PLOD2: variants seen among roughly 807,000 people sequenced by gnomAD.
PLOD2 encodes the protein lysine hydroxylase 2.
In PLOD2, 65 loss-of-function variants were observed where a neutral mutation model predicts 101.0. The ratio of observed to expected loss-of-function variants is 0.64; its 90% CI spans 0.53 to 0.79. The LOEUF (loss-of-function observed/expected upper bound fraction) is 0.79. PLOD2 is among the 30% of genes least tolerant of loss of function. PLOD2 has a pLI of 0.00. For synonymous variants in PLOD2, 314 were observed against 302.9 expected, an observed-to-expected ratio of 1.04 and a Z score of -0.38; for missense variants, 909 against 914.6, an observed-to-expected ratio of 0.99 and a Z score of 0.08.
At chr3:146,115,732 C>A (rs1174693370) in intron 3 of PLOD2, among the ~76,000 whole-genome samples, 1 of 152,132 alleles carries the variant, frequency 6.6e-6, no homozygotes, top group Non-Finnish European at 1.5e-5. Flanking sequence ...ATCAATGGTT[C>A]TCAACTATGG....
At chr3:146,093,485 CA>C (rs1937047152) in intron 7 of PLOD2, among the ~76,000 whole-genome samples, 1 of 151,958 alleles carries the variant, frequency 6.6e-6, no homozygotes, top group Non-Finnish European at 1.5e-5. Flanking sequence ...TGTCAAATGA[CA>C]AAGGCAAACA....
chr3:146,152,280 C>T (rs1248714740), intron 1 of PLOD2, among the ~76,000 whole-genome samples: 1 of 151,974 alleles, frequency 6.6e-6, no homozygotes, highest in Non-Finnish European at 1.5e-5. Flanking sequence ...ATTACCTGGC[C>T]GTGGTGGCAC....
intron 8 of PLOD2, 141 bp downstream of exon 8, chr3:146,091,659 A>G (rs1054492831): frequency 3.2e-6 from 2 of 622,542 alleles, no homozygotes; most frequent in African/African-American, 1.8e-5. Context: ...TGGCTGAATC[A>G]TCATGTTTTA....
intron 1 of PLOD2, among the ~76,000 whole-genome samples, chr3:146,139,999 A>T (rs1374126186): frequency 6.6e-6 from 1 of 152,094 alleles, no homozygotes; most frequent in East Asian, 1.9e-4. Flanking sequence ...CTCCACAAAA[A>T]CATAGCAAGG....
chr3:146,126,655 A>G (rs1002671326), intron 1 of PLOD2, among the ~76,000 whole-genome samples: 23 of 152,192 alleles, frequency 1.5e-4, no homozygotes, highest in African/African-American at 5.3e-4. Flanking sequence ...GAATATTAAC[A>G]TAAGAGACAT....
chr3:146,158,234 G>T (rs2032396735), intron 1 of PLOD2, among the ~76,000 whole-genome samples: 1 of 152,040 alleles, frequency 6.6e-6, no homozygotes, highest in Non-Finnish European at 1.5e-5. Context: ...GATTAAGAAG[G>T]TTCTGCCTCT....
chr3:146,138,788 A>G (rs984447005), intron 1 of PLOD2, among the ~76,000 whole-genome samples: 1 of 152,212 alleles, frequency 6.6e-6, no homozygotes, highest in Admixed American at 6.5e-5. Flanking sequence ...AGCTACTAAA[A>G]TAACAGTAAT....
At chr3:146,073,148 A>G (rs1040188861) in intron 16 of PLOD2, 139 bp downstream of exon 16, 2 of 527,154 alleles carry the variant, frequency 3.8e-6, no homozygotes, top group Non-Finnish European at 7.0e-6. Context: ...AATGCTATTT[A>G]ATCAGTAATT....
At chr3:146,150,553 C>G (rs2032007618) in intron 1 of PLOD2, among the ~76,000 whole-genome samples, 2 of 152,074 alleles carry the variant, frequency 1.3e-5, no homozygotes, top group South Asian at 4.1e-4. Context: ...AAGAAAGGAA[C>G]AACAGATACT....
intron 7 of PLOD2, among the ~76,000 whole-genome samples, chr3:146,095,444 C>A (rs372384367): frequency 2.7e-5 from 4 of 150,694 alleles, no homozygotes; most frequent in East Asian, 1.9e-4. Flanking sequence ...ATGTGGCCAA[C>A]AAACATGAAA....
At position 146,086,890 on chromosome 3, in the gene PLOD2, C is replaced by A. The variant is rs1455041196; in HGVS notation, c.1024G>T (p.Asp342Tyr). 1.3e-6 allele frequency: 2 copies of A among 1,506,702 alleles called. No individual in the cohort carries two copies. Among genetic ancestry groups the A allele is most frequent in the Admixed American group, 3.5e-5 (2 of 56,422 alleles). The allele number at this position is 1,506,702 out of a possible 1,614,324, so 93.3% of individuals were successfully genotyped here. A position where few individuals can be genotyped will look rare whatever the true frequency, so the allele number is the denominator to read the frequency against. ...GCTTTATCAAAAAATACCTTGATGT[C>A]CTTTTCATGATAAACTTCCTGTAAC... ...IHNKEVYHEKDIKVFFDKAKH... is the reference protein window; with the variant it reads ...IHNKEVYHEKYIKVFFDKAKH... Residue 342 changes from aspartate (D) to tyrosine (Y), a missense_variant, in exon 10 of 20, where the codon GAC becomes TAC. Asp to Tyr is a radical substitution (Grantham distance 160). Coordinates refer to ENST00000282903, the MANE Select transcript of PLOD2 (RefSeq NM_182943.3).
intron 8 of PLOD2, among the ~76,000 whole-genome samples, chr3:146,089,397 G>A (rs1259517862): frequency 6.6e-6 from 1 of 151,468 alleles, no homozygotes; most frequent in African/African-American, 2.4e-5. Flanking sequence ...TTGGCAAAAG[G>A]AATGAAAGTT....
intron 11 of PLOD2, among the ~76,000 whole-genome samples, chr3:146,083,593 T>G (rs866926719): frequency 0.01 from 1,522 of 148,512 alleles, 43 homozygotes; most frequent in African/African-American, 0.035. Flanking sequence ...TTTTTTTTTT[T>G]TTTTTTGAGA....
chr3:146,120,331 T>A (rs2030014708), intron 3 of PLOD2, among the ~76,000 whole-genome samples: 1 of 152,202 alleles, frequency 6.6e-6, no homozygotes, highest in Non-Finnish European at 1.5e-5. Context: ...TCATTGTAGA[T>A]TCTGGATATT....
At position 146,091,835 on chromosome 3, in the gene PLOD2, A is replaced by G. The variant is rs138948307; in HGVS notation, c.844T>C (p.Cys282Arg). The change falls in exon 8 of 20, where the codon TGT (cysteine) becomes CGT (arginine). Residue 282 changes from cysteine (C) to arginine (R), a missense_variant. Physicochemically the swap from Cys to Arg is radical, Grantham distance 180 (BLOSUM62 -3). Transcript: ENST00000282903. ...SWTQDNGCTL[C>R]EFDTVDLSAV... ...GACAAGTCGACTGTATCGAATTCAC[A>G]AAGAGTGCAGCCATTATCCTGTGTC... is the stretch of plus-strand genomic sequence containing the variant. 1.2e-4 allele frequency: 185 copies of G among 1,607,094 alleles called. No homozygotes were observed. The African/African-American group carries it at 1.9e-3, about 17-fold the overall frequency.
Position 146,132,573 on chromosome 3 carries a change from C to T in PLOD2, c.110-8344G>A, listed in dbSNP as rs1327194457. Among the ~76,000 whole-genome samples the T allele has an allele frequency of 3.3e-5, 5 of 151,878 alleles. No individual in the cohort carries two copies. The South Asian group carries it at 1.0e-3, about 32-fold the overall frequency. ...ATTCTTTTCAAATAAAAATTTTATACATGCCAACATTAAGAACTTTTTTTT... is the reference window on the plus strand; with the variant it reads ...ATTCTTTTCAAATAAAAATTTTATATATGCCAACATTAAGAACTTTTTTTT... On this transcript the variant is annotated intron_variant, in intron 1 of 19. Coordinates refer to ENST00000282903, the MANE Select transcript of PLOD2 (RefSeq NM_182943.3).
intron 4 of PLOD2, among the ~76,000 whole-genome samples, chr3:146,107,213 G>GC (rs1391333631): frequency 2.0e-5 from 3 of 152,172 alleles, no homozygotes; most frequent in African/African-American, 7.2e-5. Context: ...TCATTATTGT[G>GC]CCTGCTAAAC....
Position 146,110,336 on chromosome 3 carries a change from C to T in PLOD2, c.451G>A (p.Ala151Thr). ...DGILWPDKRL[A>T]DKYPVVHIGK... ...ATGTGCACAACAGGATACTTGTCTG[C>T]TAGTCTTTTATCTGGCCACAAAATT... The change falls in exon 4 of 20, where the codon GCA (alanine) becomes ACA (threonine). Residue 151 changes from alanine (A) to threonine (T), a missense_variant. By Grantham distance (58) the Ala-to-Thr change is moderately conservative (BLOSUM62 0). Transcript: ENST00000282903. 4 of 1,613,838 alleles carry T rather than the reference C, an allele frequency of 2.5e-6. No individual in the cohort carries two copies. The highest frequency in any genetic ancestry group is 3.4e-6 in the Non-Finnish European group (4 of 1,179,836).
chr3:146,103,187 A>C (rs1280143286), intron 6 of PLOD2, among the ~76,000 whole-genome samples: 2 of 152,180 alleles, frequency 1.3e-5, no homozygotes, highest in Non-Finnish European at 2.9e-5. Context: ...ATTCTTGCCA[A>C]GTTAAATTAG....
Sources: allele counts gnomAD v4.1 joint callset (sites outside exome capture counted in the v4.1 genomes callset), GRCh38; gene constraint gnomAD v4.1.1; transcripts MANE v1.5; gene names NCBI Gene and HGNC (gene_info 2026-07-23, HGNC 2026-07-21).